RNF169: variants seen among roughly 807,000 people sequenced by gnomAD.
RNF169 encodes the protein ring finger protein 169, also known as E3 ubiquitin-protein ligase RNF169.
Under a neutral mutation model 53.9 loss-of-function variants are expected in RNF169, and 24 were observed. The ratio of observed to expected loss-of-function variants is 0.45; its 90% CI spans 0.32 to 0.63. The LOEUF (loss-of-function observed/expected upper bound fraction) is 0.63. RNF169 is among the 20% of genes least tolerant of loss of function. The probability of loss-of-function intolerance (pLI) is 0.04; values close to 1 mark genes in which losing one functional copy is unlikely to be tolerated. For missense variants in RNF169, 883 were observed against 906.2 expected, an observed-to-expected ratio of 0.97 and a Z score of 0.33; for synonymous variants, 396 against 363.5, an observed-to-expected ratio of 1.09 and a Z score of -1.02.
chr11:74,828,802 C>A (rs191959321), intron 4 of RNF169, among the ~76,000 whole-genome samples: 79 of 152,264 alleles, frequency 5.2e-4, no homozygotes, highest in African/African-American at 1.9e-3. Context: ...AAAACTGAAA[C>A]TGGACCCCTT....
At position 74,806,074 on chromosome 11, in the gene RNF169, G is replaced by A. The variant is rs533663667; in HGVS notation, c.577-4110G>A. ...ATACATATAAGATATATGTACATAT[G>A]TATTCATATATTTTTCCTGACAATT... On this transcript the variant is annotated intron_variant, in intron 2 of 5. Transcript: ENST00000299563. Among the ~76,000 whole-genome samples, 7 of 151,910 alleles carry A rather than the reference G, an allele frequency of 4.6e-5. No individual in the cohort carries two copies. The East Asian group carries it at 1.4e-3, about 29-fold the overall frequency.
rs2036227742 is a variant in RNF169, at chr11:74,834,720, C to T, written c.887C>T (p.Thr296Ile). The T allele has an allele frequency of 6.2e-7, 1 of 1,613,722 alleles. No individual in the cohort carries two copies. Among genetic ancestry groups the T allele is most frequent in the Admixed American group, 1.7e-5 (1 of 59,930 alleles). ...GAAAGGAGTCAGAGCTGTAGTGACA[C>T]AGCCCAGGAAAGAGCGAAGAGCAGA... is the stretch of plus-strand genomic sequence containing the variant. Reference protein sequence around the residue: ...KVERSQSCSDTAQERAKSRVR... With the variant: ...KVERSQSCSDIAQERAKSRVR... Residue 296 changes from threonine to isoleucine, a missense_variant, in exon 5 of 6, where the codon ACA (threonine) becomes ATA (isoleucine). This residue lies in a region of RNF169 where 219 missense variants were observed against 289.1 expected (regional missense o/e 0.76). Transcript: ENST00000299563.
At chr11:74,762,791 A>G (rs2035109260) in intron 1 of RNF169, among the ~76,000 whole-genome samples, 1 of 152,252 alleles carries the variant, frequency 6.6e-6, no homozygotes, top group African/African-American at 2.4e-5. Context: ...CAGGAAAGAT[A>G]GGAAAATCTC....
intron 4 of RNF169, 26 bp downstream of exon 4, chr11:74,817,740 C>A: frequency 6.9e-7 from 1 of 1,448,256 alleles, no homozygotes; most frequent in Non-Finnish European, 9.7e-7. Context: ...TGAATTCAGT[C>A]AGGGGTCTTT....
chr11:74,789,781 AG>A (rs1565177812), intron 2 of RNF169, 82 bp downstream of exon 2: 3 of 902,580 alleles, frequency 3.3e-6, no homozygotes, highest in Non-Finnish European at 5.2e-6. Context: ...AGTTTTGACC[AG>A]GTTTTAAAAA....
chr11:74,798,557 C>T (rs1039383349), intron 2 of RNF169, among the ~76,000 whole-genome samples: 9 of 152,190 alleles, frequency 5.9e-5, no homozygotes, highest in Non-Finnish European at 1.2e-4. Context: ...AATTTCGCCT[C>T]GGTCCTGTGG....
At chr11:74,782,867 T>G (rs2035436335) in intron 1 of RNF169, among the ~76,000 whole-genome samples, 1 of 151,784 alleles carries the variant, frequency 6.6e-6, no homozygotes, top group African/African-American at 2.4e-5. Context: ...ATGGTTGTAT[T>G]ATTACCAAGT....
intron 1 of RNF169, among the ~76,000 whole-genome samples, chr11:74,770,178 A>G (rs2035239408): frequency 6.6e-6 from 1 of 152,268 alleles, no homozygotes; most frequent in South Asian, 2.1e-4. Flanking sequence ...AACCAAGAGC[A>G]GAACAGATTT....
intron 2 of RNF169, among the ~76,000 whole-genome samples, chr11:74,790,148 G>C (rs2035559714): frequency 6.6e-6 from 1 of 152,112 alleles, no homozygotes; most frequent in South Asian, 2.1e-4. Flanking sequence ...TAATTTCCTA[G>C]TTAGAAAACA....
At chr11:74,812,459 C>G (rs988255675) in intron 3 of RNF169, among the ~76,000 whole-genome samples, 3 of 151,934 alleles carry the variant, frequency 2.0e-5, no homozygotes, top group African/African-American at 7.3e-5. Flanking sequence ...CATGGCTGGT[C>G]AATTTTTATT....
chr11:74,780,100 C>A (rs1422555460), intron 1 of RNF169, among the ~76,000 whole-genome samples: 1 of 152,166 alleles, frequency 6.6e-6, no homozygotes, highest in East Asian at 1.9e-4. Flanking sequence ...TTGTGCACCT[C>A]CACCTCTTGC....
At position 74,836,476 on chromosome 11, in the gene RNF169, C is replaced by CA. The variant is rs777349114; in HGVS notation, c.1874dup (p.His625GlnfsTer14). 6.2e-7 allele frequency: 1 copy of CA among 1,614,070 alleles called. No individual in the cohort carries two copies. Among genetic ancestry groups the CA allele is most frequent in the Non-Finnish European group, 8.5e-7 (1 of 1,180,044 alleles). The stretch of plus-strand genomic sequence containing the variant: ...TTCTTTGCGTCGAGGCCGGAAAAGA[C>CA]ACTGCAAGACCAAGCACTTAGAACA... On this transcript the variant is annotated frameshift_variant, in exon 6 of 6. Transcript: ENST00000299563. LOFTEE classifies it high-confidence loss of function.
chr11:74,752,051 G>A (rs2034903792), intron 1 of RNF169, among the ~76,000 whole-genome samples: 1 of 151,550 alleles, frequency 6.6e-6, no homozygotes, highest in Admixed American at 6.6e-5. Flanking sequence ...GGCCAACATG[G>A]TGAAACCCCG....
At chr11:74,823,915 AACAG>A (rs1345862863) in intron 4 of RNF169, among the ~76,000 whole-genome samples, 5 of 152,174 alleles carry the variant, frequency 3.3e-5, no homozygotes, top group African/African-American at 7.2e-5. Context: ...TAACAGCTAT[AACAG>A]ACAGCAACAA....
intron 1 of RNF169, among the ~76,000 whole-genome samples, chr11:74,761,971 A>T (rs2035090760): frequency 6.8e-6 from 1 of 146,784 alleles, no homozygotes; most frequent in Non-Finnish European, 1.5e-5. Flanking sequence ...CTTTTCACAT[A>T]GTCCCATATT....
intron 4 of RNF169, among the ~76,000 whole-genome samples, chr11:74,822,043 G>GGT (rs564544767): frequency 0.022 from 3,364 of 150,584 alleles, 131 homozygotes; most frequent in African/African-American, 0.077. Context: ...GAGAGAGAGA[G>GGT]GTGTGTGTGT....
chr11:74,785,234 T>G (rs561366612), intron 1 of RNF169, among the ~76,000 whole-genome samples: 60 of 81,830 alleles, frequency 7.3e-4, no homozygotes, highest in South Asian at 1.9e-3. Context: ...ATATATATTA[T>G]ATATATGTTA....
At position 74,838,911 on chromosome 11, in the gene RNF169, G is replaced by C. The variant is rs754958125; in HGVS notation, c.*2181G>C. 3 of 152,250 alleles carry C rather than the reference G, an allele frequency of 2.0e-5. No individual in the cohort carries two copies. Among genetic ancestry groups the C allele is most frequent in the Non-Finnish European group, 1.5e-5 (1 of 68,024 alleles). 9.4% of individuals were successfully genotyped at this position (152,250 alleles called of 1,614,324 possible). ...GGCTAGTCTTGTTGGTAGGAGCAAA[G>C]ACACTTATTTTTCCACTTGCCATCT... On this transcript the variant is annotated 3_prime_UTR_variant, in exon 6 of 6. Transcript: ENST00000299563.
intron 4 of RNF169, among the ~76,000 whole-genome samples, chr11:74,821,433 C>A (rs973160450): frequency 1.4e-5 from 1 of 69,702 alleles, no homozygotes; most frequent in Non-Finnish European, 2.4e-5. Flanking sequence ...CCGAGGCGGG[C>A]GGATCACGAG....
Sources: gnomAD v4.1 joint callset for allele counts (sites outside exome capture counted in the v4.1 genomes callset) on GRCh38, gnomAD v4.1.1 for gene constraint, gnomAD v4.1.1 regional missense constraint, MANE v1.5 for transcripts, NCBI Gene and HGNC (gene_info 2026-07-23, HGNC 2026-07-21) for gene names.